The following PTPRM variants were observed in gnomAD, a reference collection of about 807,000 sequenced individuals.
PTPRM encodes protein tyrosine phosphatase receptor type M.
A neutral mutation model predicts 186.7 loss-of-function variants in PTPRM; 47 were observed. The observed-to-expected ratio is 0.25, with a 90% CI of 0.20 to 0.32. The LOEUF (loss-of-function observed/expected upper bound fraction) is 0.32. PTPRM is among the 10% of genes least tolerant of loss of function. The pLI is 1.00. For synonymous variants in PTPRM, 668 were observed against 674.9 expected, an observed-to-expected ratio of 0.99 and a Z score of 0.16; for missense variants, 1,494 against 1,865.0, an observed-to-expected ratio of 0.80 and a Z score of 3.66.
intron 1 of PTPRM, among the ~76,000 whole-genome samples, chr18:7,683,578 A>G (rs1190686628): frequency 1.3e-5 from 2 of 152,168 alleles, no homozygotes; most frequent in African/African-American, 4.8e-5. Flanking sequence ...GAAGTTAGAG[A>G]ATGACTTCCC....
At chr18:7,996,070 T>C (rs2083515324) in intron 7 of PTPRM, among the ~76,000 whole-genome samples, 1 of 152,164 alleles carries the variant, frequency 6.6e-6, no homozygotes, top group African/African-American at 2.4e-5. Context: ...CTGCTGTGTT[T>C]AGTTCCCTTC....
chr18:7,681,045 C>T (rs888433293), intron 1 of PTPRM, among the ~76,000 whole-genome samples: 1 of 152,176 alleles, frequency 6.6e-6, no homozygotes, highest in Non-Finnish European at 1.5e-5. Context: ...GTAGGTCCTC[C>T]TTGAGCCCCT....
At position 8,165,895 on chromosome 18, in the gene PTPRM, C is replaced by T. The variant is rs2093316575; in HGVS notation, c.2300+22116C>T. On this transcript the variant is annotated intron_variant, in intron 14 of 32. Coordinates refer to ENST00000580170, the MANE Select transcript of PTPRM (RefSeq NM_001105244.2). Reference sequence around the variant, plus strand: ...TTTTTTAAATGTAAGAAAAGATATTCAGCATTTGCTACCTAACACTTAGGG... The same window carrying T: ...TTTTTTAAATGTAAGAAAAGATATTTAGCATTTGCTACCTAACACTTAGGG... Among the ~76,000 whole-genome samples, 5 of 152,132 alleles carry T rather than the reference C, an allele frequency of 3.3e-5. No homozygotes were observed. In the South Asian group the frequency reaches 1.0e-3, roughly 32 times the overall value.
intron 14 of PTPRM, among the ~76,000 whole-genome samples, chr18:8,215,063 A>C (rs1044615795): frequency 1.8e-4 from 27 of 152,332 alleles, no homozygotes; most frequent in African/African-American, 5.8e-4. Context: ...TATAACAGTC[A>C]TACTTTTAAA....
At chr18:8,317,432 A>G (rs1411294293) in intron 21 of PTPRM, among the ~76,000 whole-genome samples, 2 of 152,126 alleles carry the variant, frequency 1.3e-5, no homozygotes, top group African/African-American at 4.8e-5. Context: ...GGAGGTGTTG[A>G]GCAGGCAGTG....
At chr18:8,240,283 G>A (rs1341278049) in intron 14 of PTPRM, among the ~76,000 whole-genome samples, 1 of 151,914 alleles carries the variant, frequency 6.6e-6, no homozygotes, top group Admixed American at 6.6e-5. Flanking sequence ...TTCACTTTAT[G>A]GCTCTTTTGG....
At chr18:8,217,435 A>G (rs2094103127) in intron 14 of PTPRM, among the ~76,000 whole-genome samples, 1 of 152,162 alleles carries the variant, frequency 6.6e-6, no homozygotes, top group East Asian at 1.9e-4. Context: ...ATTCTTTCTA[A>G]AGACATCAAA....
chr18:8,126,776 G>A (rs1197182535), intron 13 of PTPRM, among the ~76,000 whole-genome samples: 2 of 152,076 alleles, frequency 1.3e-5, no homozygotes, highest in Non-Finnish European at 2.9e-5. Flanking sequence ...GAAGATGGTG[G>A]GATTGTTTAC....
At chr18:8,311,913 GC>G (rs2095271576) in intron 20 of PTPRM, among the ~76,000 whole-genome samples, 1 of 152,172 alleles carries the variant, frequency 6.6e-6, no homozygotes, top group Non-Finnish European at 1.5e-5. Context: ...CAGGGAATGA[GC>G]AGCACTCATC....
chr18:7,793,973 G>T (rs192194350), intron 2 of PTPRM, among the ~76,000 whole-genome samples: 4 of 152,308 alleles, frequency 2.6e-5, no homozygotes, highest in Admixed American at 2.6e-4. Flanking sequence ...ACACTGGCAC[G>T]CCTTCGGCCT....
At chr18:8,390,311 A>C (rs1028352162) in intron 31 of PTPRM, among the ~76,000 whole-genome samples, 3 of 152,270 alleles carry the variant, frequency 2.0e-5, no homozygotes, top group Admixed American at 1.3e-4. Flanking sequence ...GGGGAAAGTA[A>C]AATAACAAAG....
intron 22 of PTPRM, among the ~76,000 whole-genome samples, chr18:8,331,804 A>ATAG (rs1041659305): frequency 7.2e-5 from 11 of 152,278 alleles, no homozygotes; most frequent in African/African-American, 2.7e-4. Context: ...GTAGACAAAC[A>ATAG]TAGGTTGGAA....
chr18:8,021,390 G>A (rs7228092), intron 7 of PTPRM, among the ~76,000 whole-genome samples: 129,791 of 151,354 alleles, frequency 0.86, 55,856 homozygotes, highest in African/African-American at 0.92. Context: ...TCCAGGATAC[G>A]TGTGCAGAGT....
chr18:7,702,446 G>A (rs893071317), intron 1 of PTPRM, among the ~76,000 whole-genome samples: 1 of 152,194 alleles, frequency 6.6e-6, no homozygotes, highest in Non-Finnish European at 1.5e-5. Flanking sequence ...GACCAGTGAT[G>A]ATGAGGGTTT....
intron 14 of PTPRM, among the ~76,000 whole-genome samples, chr18:8,149,428 T>A (rs2092953801): frequency 6.6e-6 from 1 of 152,186 alleles, no homozygotes; most frequent in Admixed American, 6.5e-5. Flanking sequence ...TCTCTTTTGA[T>A]CTTTGTTGGT....
intron 2 of PTPRM, among the ~76,000 whole-genome samples, chr18:7,844,115 AC>A (rs2046477794): frequency 6.6e-6 from 1 of 152,164 alleles, no homozygotes; most frequent in African/African-American, 2.4e-5. Flanking sequence ...TAAAGACCCC[AC>A]CAAGTTCATG....
chr18:7,617,426 C>A (rs1214642553), intron 1 of PTPRM, among the ~76,000 whole-genome samples: 1 of 152,090 alleles, frequency 6.6e-6, no homozygotes, highest in Non-Finnish European at 1.5e-5. Flanking sequence ...TGTTTAAACA[C>A]CTTTCTCCTC....
intron 2 of PTPRM, among the ~76,000 whole-genome samples, chr18:7,780,478 C>G (rs1479115031): frequency 6.6e-6 from 1 of 152,148 alleles, no homozygotes; most frequent in East Asian, 1.9e-4. Context: ...GGCTGTTGAC[C>G]ATGGGTCTAC....
chr18:7,852,779 C>G (rs2046928645), intron 2 of PTPRM, among the ~76,000 whole-genome samples: 3 of 152,062 alleles, frequency 2.0e-5, no homozygotes, highest in Admixed American at 6.6e-5. Flanking sequence ...TTGCTTGAGC[C>G]CATAAGCCTG....
Sources: allele counts gnomAD v4.1 joint callset (sites outside exome capture counted in the v4.1 genomes callset), GRCh38; gene constraint gnomAD v4.1.1; transcripts MANE v1.5; gene names NCBI Gene and HGNC (gene_info 2026-07-23, HGNC 2026-07-21).